The following RORA variants were observed in gnomAD, a reference collection of about 807,000 sequenced individuals.
RORA encodes the protein RAR related orphan receptor A, also known as nuclear receptor ROR-alpha.
Under a neutral mutation model 69.5 loss-of-function variants are expected in RORA, and 7 were observed. The ratio of observed to expected loss-of-function variants is 0.10; its 90% CI spans 0.06 to 0.19. RORA has a LOEUF of 0.19. Among genes scored for constraint, RORA ranks in the 10% least tolerant of loss-of-function variants. RORA has a pLI of 1.00. For synonymous variants in RORA, 261 were observed against 240.8 expected (o/e 1.08, Z -0.78); for missense variants, 457 against 663.0 (o/e 0.69, Z 3.41).
chr15:60,695,786 T>C (rs1276757052), intron 1 of RORA, among the ~76,000 whole-genome samples: 1 of 152,108 alleles, frequency 6.6e-6, no homozygotes, highest in Non-Finnish European at 1.5e-5. Flanking sequence ...GCTTTAAATA[T>C]GGCTCGAGAA....
chr15:60,515,238 C>G (rs545969075), intron 3 of RORA, among the ~76,000 whole-genome samples: 2 of 152,338 alleles, frequency 1.3e-5, no homozygotes, highest in African/African-American at 4.8e-5. Context: ...TAGCCCACTT[C>G]AACACACGGC....
chr15:60,771,665 A>G (rs1353892988), intron 1 of RORA, among the ~76,000 whole-genome samples: 1 of 152,218 alleles, frequency 6.6e-6, no homozygotes, highest in Non-Finnish European at 1.5e-5. Flanking sequence ...CACGAACCCC[A>G]TACATGAACT....
chr15:60,937,695 A>C (rs1189213458), intron 1 of RORA, among the ~76,000 whole-genome samples: 1 of 152,176 alleles, frequency 6.6e-6, no homozygotes, highest in African/African-American at 2.4e-5. Context: ...GAACCAGAAC[A>C]CCTGGTTCAC....
In RORA at chr15:60,637,835, C is replaced by T. The variant is rs563493699; in HGVS notation, c.196+40822G>A. Among the ~76,000 whole-genome samples the T allele has an allele frequency of 3.1e-3, 470 of 149,818 alleles. 1 individual carries two copies. Among genetic ancestry groups the T allele is most frequent in the African/African-American group, 0.011 (447 of 40,030 alleles). On this transcript the variant is annotated intron_variant, in intron 2 of 10. Transcript: ENST00000335670. ...CTTTCTTTTTTTCTTTCTTTTTTTT[C>T]TAAAGTTCTTTTAACTATTCTTATT...
chr15:60,802,413 A>G (rs1420282352), intron 1 of RORA, among the ~76,000 whole-genome samples: 1 of 152,064 alleles, frequency 6.6e-6, no homozygotes, highest in Non-Finnish European at 1.5e-5. Context: ...GGCTCATTTC[A>G]TTTGTTCATT....
At chr15:60,860,244 G>C (rs1483552563) in intron 1 of RORA, among the ~76,000 whole-genome samples, 1 of 152,132 alleles carries the variant, frequency 6.6e-6, no homozygotes, top group African/African-American at 2.4e-5. Context: ...TTCCAAATGT[G>C]TTCATCACCA....
chr15:61,063,161 T>G (rs552117757), intron 1 of RORA, among the ~76,000 whole-genome samples: 69 of 152,332 alleles, frequency 4.5e-4, no homozygotes, highest in African/African-American at 1.6e-3. Flanking sequence ...ACCAGCAACA[T>G]AGCCTTCCCT....
chr15:60,957,037 GGCACTAGGTAGTCCATTCATTCA>G (rs1179486349), intron 1 of RORA, among the ~76,000 whole-genome samples: 1 of 152,234 alleles, frequency 6.6e-6, no homozygotes, highest in Non-Finnish European at 1.5e-5. Flanking sequence ...CTGAAGGGAA[GGCACTAGGTAGTCCATTCATTCA>G]CTCATTCATT....
chr15:61,156,325 G>C (rs2079442413), intron 1 of RORA, among the ~76,000 whole-genome samples: 1 of 152,150 alleles, frequency 6.6e-6, no homozygotes. Context: ...GTCCAATAGT[G>C]TGGAAAAGGA....
rs2065218463 is a variant in RORA at position 60,498,098 on chromosome 15, C to T, written c.1408-479G>A. 2.0e-5 allele frequency among the ~76,000 whole-genome samples: 3 copies of T among 151,994 alleles called. No individual in the cohort carries two copies. The South Asian group carries it at 6.2e-4, about 32-fold the overall frequency. ...TAAATAAATGATGATATAGTCATGT[C>T]ATAGAATGCCAAGTATACATTAAAT... On this transcript the variant is annotated intron_variant, in intron 10 of 10. Coordinates refer to ENST00000335670, the MANE Select transcript of RORA (RefSeq NM_134261.3).
At chr15:61,133,852 A>T (rs2079213647) in intron 1 of RORA, among the ~76,000 whole-genome samples, 1 of 152,180 alleles carries the variant, frequency 6.6e-6, no homozygotes, top group South Asian at 2.1e-4. Flanking sequence ...CTACTGCATC[A>T]TCAGGCTCAA....
chr15:60,528,816 T>A (rs2066441932), intron 3 of RORA: 1 of 152,216 alleles, frequency 6.6e-6, no homozygotes, highest in South Asian at 2.1e-4. Context: ...ATTACAGTCC[T>A]CATTTTACAG....
intron 1 of RORA, among the ~76,000 whole-genome samples, chr15:61,073,154 C>T (rs1184890497): frequency 6.6e-6 from 1 of 152,224 alleles, no homozygotes; most frequent in African/African-American, 2.4e-5. Context: ...AAGGGCCGGA[C>T]ATGGTCTCTC....
intron 1 of RORA, among the ~76,000 whole-genome samples, chr15:61,048,141 T>A (rs913778172): frequency 4.6e-5 from 7 of 152,236 alleles, no homozygotes; most frequent in Non-Finnish European, 1.5e-5. Flanking sequence ...TCCTTCATAC[T>A]TCTTCCCTTT....
At chr15:60,643,953 C>T (rs1264317708) in intron 2 of RORA, among the ~76,000 whole-genome samples, 1 of 152,066 alleles carries the variant, frequency 6.6e-6, no homozygotes, top group Non-Finnish European at 1.5e-5. Flanking sequence ...TTCTCTGAGA[C>T]TTATTAGTAA....
At chr15:61,040,139 T>TAAA (rs1354836170) in intron 1 of RORA, among the ~76,000 whole-genome samples, 1 of 117,458 alleles carries the variant, frequency 8.5e-6, no homozygotes, top group Admixed American at 9.2e-5. Flanking sequence ...TATATATATA[T>TAAA]ATATATATAT....
intron 1 of RORA, among the ~76,000 whole-genome samples, chr15:60,903,612 C>G (rs1411767171): frequency 6.6e-6 from 1 of 152,132 alleles, no homozygotes; most frequent in African/African-American, 2.4e-5. Flanking sequence ...TACCTTTCTC[C>G]AAGTAGTATG....
chr15:60,890,566 C>G (rs951657295), intron 1 of RORA, among the ~76,000 whole-genome samples: 2 of 152,172 alleles, frequency 1.3e-5, no homozygotes, highest in East Asian at 3.8e-4. Flanking sequence ...TCGCCCTGCT[C>G]GGGGCCCCTT....
At position 60,621,763 on chromosome 15, in the gene RORA, G is replaced by A. The variant is rs141115320; in HGVS notation, c.196+56894C>T. Among the ~76,000 whole-genome samples the A allele has an allele frequency of 3.3e-5, 5 of 152,132 alleles. No individual in the cohort carries two copies. In the East Asian group the frequency reaches 9.7e-4, roughly 29 times the overall value. ...TCTACACTGAAAAAGAGTAAAGGGT[G>A]GGGGCCGGGCGCAGTAACTCACACC... On this transcript the variant is annotated intron_variant, in intron 2 of 10. Transcript: ENST00000335670.
Sources: gnomAD v4.1 joint callset for allele counts (sites outside exome capture counted in the v4.1 genomes callset) on GRCh38, gnomAD v4.1.1 for gene constraint, MANE v1.5 for transcripts, NCBI Gene and HGNC (gene_info 2026-07-23, HGNC 2026-07-21) for gene names.